The following KLHL3 variants were observed in gnomAD, a reference collection of about 807,000 sequenced individuals.
KLHL3 encodes the protein kelch like family member 3, also known as kelch-like protein 3.
A neutral mutation model predicts 70.5 loss-of-function variants in KLHL3; 19 were observed. The observed-to-expected ratio is 0.27, with a 90% confidence interval of 0.19 to 0.40. KLHL3 has a LOEUF of 0.40. Among genes scored for constraint, KLHL3 ranks in the 10% least tolerant of loss-of-function variants. KLHL3 has a pLI of 1.00. For synonymous variants in KLHL3, 258 were observed against 290.3 expected, an observed-to-expected ratio of 0.89 and a Z score of 1.13; for missense variants, 512 against 771.1, an observed-to-expected ratio of 0.66 and a Z score of 3.98.
chr5:137,707,711 G>C (rs1301079025), intron 3 of KLHL3: 1 of 154,316 alleles, frequency 6.5e-6, no homozygotes, highest in Non-Finnish European at 1.5e-5. Flanking sequence ...GCTGGGCATT[G>C]CATTACACTG....
At chr5:137,698,765 A>C (rs1282663990) in intron 3 of KLHL3, among the ~76,000 whole-genome samples, 1 of 152,254 alleles carries the variant, frequency 6.6e-6, no homozygotes, top group Non-Finnish European at 1.5e-5. Context: ...AAGGAACACA[A>C]GTCTAGTAAG....
Position 137,734,697 on chromosome 5 carries a change from C to T in KLHL3, c.14+936G>A, listed in dbSNP as rs576778525. On this transcript the variant is annotated intron_variant, in intron 1 of 14. Transcript: ENST00000309755. ...CCCCTCAGTGGTGCACTGCCATGGC[C>T]GGACCCCTCCCTGCAGTCTTCTCTC... Among the ~76,000 whole-genome samples the T allele has an allele frequency of 4.6e-5, 7 of 152,270 alleles. No homozygotes were observed. The East Asian group carries it at 1.2e-3, about 25-fold the overall frequency.
In KLHL3 at chr5:137,639,983, G is replaced by A. The variant is rs1458689179; in HGVS notation, c.904-6C>T. 2 of 1,613,310 alleles carry A rather than the reference G, an allele frequency of 1.2e-6. No individual in the cohort carries two copies. The highest frequency in any genetic ancestry group is 1.7e-6 in the Non-Finnish European group (2 of 1,179,366). ...CCGCCAACCACAATCATGACCTCCG[G>A]AGAGACAAGTGGACGTTAGCGGGGT... On this transcript the variant is annotated splice_polypyrimidine_tract_variant and splice_region_variant and intron_variant, in intron 8 of 14. Transcript: ENST00000309755. This position sits in a 1 kb window ranked among gnomAD's most constrained non-coding sequence, Gnocchi z 5.0.
At chr5:137,707,130 C>A (rs1401439680) in intron 3 of KLHL3, among the ~76,000 whole-genome samples, 1 of 152,054 alleles carries the variant, frequency 6.6e-6, no homozygotes, top group East Asian at 1.9e-4. Context: ...AAAAAAAATA[C>A]ATACATCAAA....
chr5:137,690,485 G>C (rs977929541), intron 5 of KLHL3, among the ~76,000 whole-genome samples: 4 of 152,176 alleles, frequency 2.6e-5, no homozygotes, highest in Admixed American at 1.3e-4. Flanking sequence ...GCAGGGAAAA[G>C]AGAGCACAGG....
chr5:137,705,659 G>GC (rs1752670957), intron 3 of KLHL3, among the ~76,000 whole-genome samples: 1 of 152,198 alleles, frequency 6.6e-6, no homozygotes, highest in Non-Finnish European at 1.5e-5. Context: ...ATGGGCATAA[G>GC]ACCCTGAGCC....
At chr5:137,658,678 C>A (rs2089891288) in intron 7 of KLHL3, among the ~76,000 whole-genome samples, 1 of 152,102 alleles carries the variant, frequency 6.6e-6, no homozygotes, top group Admixed American at 6.5e-5. Context: ...ATGCTTAGGG[C>A]AAACAGACAT....
intron 2 of KLHL3, among the ~76,000 whole-genome samples, chr5:137,719,236 G>C (rs1007642150): frequency 6.6e-6 from 1 of 152,234 alleles, no homozygotes; most frequent in Admixed American, 6.5e-5. Context: ...ACTATAGAAA[G>C]ATTATTTTCA....
intron 12 of KLHL3, among the ~76,000 whole-genome samples, chr5:137,631,794 C>A (rs6861285): frequency 6.6e-6 from 1 of 151,954 alleles, no homozygotes; most frequent in Non-Finnish European, 1.5e-5. Context: ...GATATAAACA[C>A]CTTCATAGAA....
chr5:137,704,841 C>G (rs374744084), intron 3 of KLHL3, among the ~76,000 whole-genome samples: 16 of 152,156 alleles, frequency 1.1e-4, no homozygotes, highest in African/African-American at 3.6e-4. Flanking sequence ...ATCTGGGTCT[C>G]TTGAGCCAGA....
intron 2 of KLHL3, among the ~76,000 whole-genome samples, chr5:137,716,378 ATTTG>A (rs370042995): frequency 1.3e-5 from 2 of 151,056 alleles, no homozygotes; most frequent in East Asian, 3.9e-4. Context: ...TTGTTTGTTC[ATTTG>A]TTTGTTTAAA....
At chr5:137,711,903 C>T (rs779383437) in intron 2 of KLHL3, among the ~76,000 whole-genome samples, 1 of 151,884 alleles carries the variant, frequency 6.6e-6, no homozygotes, top group African/African-American at 2.4e-5. Context: ...TTAAGAATAA[C>T]CACACTTTGG....
At chr5:137,710,731 T>C (rs1752776895) in intron 2 of KLHL3, among the ~76,000 whole-genome samples, 1 of 152,336 alleles carries the variant, frequency 6.6e-6, no homozygotes, top group Admixed American at 6.5e-5. Flanking sequence ...GTTATCAATA[T>C]AATAGTTAAT....
At chr5:137,625,663 AC>A (rs1436228143) in intron 14 of KLHL3, 89 bp downstream of exon 14, 17 of 1,489,760 alleles carry the variant, frequency 1.1e-5, no homozygotes, top group Non-Finnish European at 1.6e-5. Context: ...AAGCAAGCTC[AC>A]ATCCCCTCAT....
At chr5:137,641,458 C>G (rs146640594) in intron 8 of KLHL3, among the ~76,000 whole-genome samples, 78 of 152,130 alleles carry the variant, frequency 5.1e-4, no homozygotes, top group African/African-American at 1.9e-3. Context: ...ACTTTGAGAA[C>G]CACCTTTTTA....
chr5:137,624,669 G>T (rs934180513), intron 14 of KLHL3, among the ~76,000 whole-genome samples: 2 of 152,176 alleles, frequency 1.3e-5, no homozygotes, highest in Admixed American at 6.5e-5. Flanking sequence ...TGGAGTCGTG[G>T]TATGGATTAA....
chr5:137,697,173 T>G (rs994078095), intron 4 of KLHL3, among the ~76,000 whole-genome samples: 4 of 152,148 alleles, frequency 2.6e-5, no homozygotes, highest in Non-Finnish European at 1.5e-5. Context: ...TTTTTTTTTT[T>G]TCTTTTTGGA....
intron 4 of KLHL3, 169 bp from the exon 5 acceptor site, chr5:137,692,616 C>T: frequency 1.6e-6 from 1 of 621,978 alleles, no homozygotes; most frequent in Non-Finnish European, 2.9e-6. Context: ...CACTACTCTG[C>T]CCTTCACGGA....
chr5:137,692,560 C>G, intron 4 of KLHL3, 113 bp from the exon 5 acceptor site: 1 of 998,554 alleles, frequency 1.0e-6, no homozygotes, highest in Non-Finnish European at 1.5e-6. Context: ...CTCCACTGCC[C>G]GCCAGTAAGT....
Sources: gnomAD v4.1 joint callset for allele counts (sites outside exome capture counted in the v4.1 genomes callset) on GRCh38, gnomAD v4.1.1 for gene constraint, Gnocchi (gnomAD v3.1) non-coding constraint, MANE v1.5 for transcripts, NCBI Gene and HGNC (gene_info 2026-07-23, HGNC 2026-07-21) for gene names.